The following TNRC6B variants were observed in gnomAD, a reference collection of about 807,000 sequenced individuals.
The protein encoded by TNRC6B is trinucleotide repeat-containing gene 6B protein.
A neutral mutation model predicts 203.6 loss-of-function variants in TNRC6B; 52 were observed. That is an observed-to-expected ratio of 0.26 (90% CI 0.20 to 0.32). The LOEUF (loss-of-function observed/expected upper bound fraction) is 0.32. Among genes scored for constraint, TNRC6B ranks in the 10% least tolerant of loss-of-function variants. The probability of loss-of-function intolerance (pLI) is 1.00; values close to 1 mark genes in which losing one functional copy is unlikely to be tolerated. For synonymous variants in TNRC6B, 838 were observed against 845.7 expected, an observed-to-expected ratio of 0.99 and a Z score of 0.16; for missense variants, 1,923 against 2,286.2, an observed-to-expected ratio of 0.84 and a Z score of 3.24.
At chr22:40,077,189 C>T (rs1399168122) in intron 1 of TNRC6B, among the ~76,000 whole-genome samples, 1 of 152,016 alleles carries the variant, frequency 6.6e-6, no homozygotes, top group Admixed American at 6.6e-5. Context: ...CCCTACAAAC[C>T]CTGAACTCAG....
chr22:40,317,406 C>T (rs911771103), intron 21 of TNRC6B, among the ~76,000 whole-genome samples: 2 of 152,104 alleles, frequency 1.3e-5, no homozygotes, highest in South Asian at 2.1e-4. Flanking sequence ...GGTGAAACCC[C>T]GTCTTTACTG....
At chr22:40,210,017 C>CAAAA (rs34603156) in intron 1 of TNRC6B, among the ~76,000 whole-genome samples, 2 of 132,818 alleles carry the variant, frequency 1.5e-5, no homozygotes, top group South Asian at 2.4e-4. Context: ...GACTCTGTCT[C>CAAAA]AAAAAAAAAA....
upstream of TNRC6B, among the ~76,000 whole-genome samples, chr22:40,174,687 T>C (rs1162926819): frequency 6.6e-6 from 1 of 152,092 alleles, no homozygotes; most frequent in African/African-American, 2.4e-5. Context: ...TAGCCGAGCG[T>C]GGTGGCAGGC....
At chr22:40,054,185 C>T (rs1360612670) in intron 1 of TNRC6B, among the ~76,000 whole-genome samples, 1 of 152,198 alleles carries the variant, frequency 6.6e-6, no homozygotes, top group East Asian at 1.9e-4. Flanking sequence ...CACCACACTC[C>T]AGTGTGGGTG....
Position 40,265,670 on chromosome 22 carries a change from G to A in TNRC6B, c.1440G>A (p.Thr480=), listed in dbSNP as rs776218575. The part of the protein sequence containing the change: ...NDSWDNNNRS[T]GGSWNFGPQD... The stretch of plus-strand genomic sequence containing the variant: ...CTTGGGACAACAATAACAGGTCTAC[G>A]GGTGGGTCCTGGAACTTTGGCCCCC... Residue 480 remains threonine (T), a synonymous_variant, in exon 5 of 23, where the codon ACG becomes ACA. Coordinates refer to ENST00000454349, the MANE Select transcript of TNRC6B (RefSeq NM_001162501.2). 1.7e-5 allele frequency: 27 copies of A among 1,613,912 alleles called. No homozygotes were observed. The African/African-American group carries it at 1.7e-4, about 10-fold the overall frequency.
Position 40,063,428 on chromosome 22 carries a change from A to C in TNRC6B, c.-121+18430A>C, listed in dbSNP as rs540777750. On this transcript the variant is annotated intron_variant, in intron 1 of 23. Transcript: ENST00000301923. The stretch of plus-strand genomic sequence containing the variant: ...TCCCTTGAATTTCCACATGAATTTT[A>C]GGATCAGCTTCTCCATTTCTACAAG... Among the ~76,000 whole-genome samples, 16 of 152,346 alleles carry C rather than the reference A, an allele frequency of 1.1e-4. 1 individual carries two copies. The South Asian group carries it at 3.3e-3, about 32-fold the overall frequency.
At chr22:40,319,271 T>TAA (rs574303341) in intron 21 of TNRC6B, among the ~76,000 whole-genome samples, 5 of 142,412 alleles carry the variant, frequency 3.5e-5, no homozygotes, top group Non-Finnish European at 7.7e-5. Flanking sequence ...TCTCTGAATT[T>TAA]AAAAAAAAAA....
chr22:40,180,122 A>G (rs2069113439), intron 1 of TNRC6B, among the ~76,000 whole-genome samples: 1 of 152,232 alleles, frequency 6.6e-6, no homozygotes, highest in African/African-American at 2.4e-5. Context: ...TTAAAGGGAA[A>G]AGATAGAGAA....
chr22:40,064,880 G>A (rs989348830), intron 1 of TNRC6B, among the ~76,000 whole-genome samples: 1 of 152,030 alleles, frequency 6.6e-6, no homozygotes, highest in African/African-American at 2.4e-5. Context: ...GCCTTCCAAA[G>A]TGCTGGGATT....
intron 1 of TNRC6B, among the ~76,000 whole-genome samples, chr22:40,191,005 A>C (rs1286580193): frequency 6.6e-6 from 1 of 152,256 alleles, no homozygotes; most frequent in Non-Finnish European, 1.5e-5. Flanking sequence ...GCAAACAGAC[A>C]GACACACAAT....
At chr22:40,271,911 T>C (rs2063700915) in intron 6 of TNRC6B, among the ~76,000 whole-genome samples, 1 of 152,228 alleles carries the variant, frequency 6.6e-6, no homozygotes, top group Non-Finnish European at 1.5e-5. Flanking sequence ...CTGTCTTAAA[T>C]TTGATGTTAT....
At chr22:40,123,001 G>A (rs1319643126) in intron 2 of TNRC6B, among the ~76,000 whole-genome samples, 2 of 152,086 alleles carry the variant, frequency 1.3e-5, no homozygotes, top group Non-Finnish European at 2.9e-5. Context: ...TGCCCCTTCC[G>A]CTTCAGGTCT....
intron 3 of TNRC6B, among the ~76,000 whole-genome samples, chr22:40,145,084 AAAAT>A (rs1352483790): frequency 2.6e-5 from 4 of 151,700 alleles, no homozygotes; most frequent in African/African-American, 9.7e-5. Flanking sequence ...AAAAAAAAAA[AAAAT>A]TTTTTTAATT....
chr22:40,159,049 G>A (rs992682385), intron 4 of TNRC6B, among the ~76,000 whole-genome samples: 3 of 151,678 alleles, frequency 2.0e-5, no homozygotes, highest in Non-Finnish European at 4.4e-5. Context: ...TGCAAGCTCC[G>A]CCTCCCGGGT....
At chr22:40,247,118 TC>T (rs2070118034) in intron 2 of TNRC6B, among the ~76,000 whole-genome samples, 1 of 152,104 alleles carries the variant, frequency 6.6e-6, no homozygotes, top group African/African-American at 2.4e-5. Flanking sequence ...ACCTTACCAT[TC>T]TTTTTGCATC....
At chr22:40,078,935 G>A (rs934542188) in intron 1 of TNRC6B, among the ~76,000 whole-genome samples, 4 of 151,902 alleles carry the variant, frequency 2.6e-5, no homozygotes, top group African/African-American at 9.7e-5. Flanking sequence ...TTAGCTGGGC[G>A]TGGTGGTGGG....
At chr22:40,162,230 A>G (rs1162429548) in intron 4 of TNRC6B, among the ~76,000 whole-genome samples, 1 of 152,038 alleles carries the variant, frequency 6.6e-6, no homozygotes, top group Non-Finnish European at 1.5e-5. Context: ...AGTAGCTGGG[A>G]TTATAGGTAC....
chr22:40,215,257 G>A (rs2069620051), intron 1 of TNRC6B, among the ~76,000 whole-genome samples: 1 of 148,030 alleles, frequency 6.8e-6, no homozygotes, highest in Non-Finnish European at 1.5e-5. Flanking sequence ...GAAAAGCACA[G>A]TAGCTGGTGA....
rs117670415 is a variant in TNRC6B at position 40,135,986 on chromosome 22, T to C, written c.45+10124T>C. Among the ~76,000 whole-genome samples, 881 of 152,234 alleles carry C rather than the reference T, an allele frequency of 5.8e-3. 6 individuals are homozygous for C. Among genetic ancestry groups the C allele is most frequent in the Non-Finnish European group, 7.0e-3 (476 of 68,010 alleles). On this transcript the variant is annotated intron_variant, in intron 3 of 23. Coordinates refer to the TNRC6B transcript ENST00000301923. The stretch of plus-strand genomic sequence containing the variant: ...ACTTCAGCCTGTGGACTGATTTCCA[T>C]TGGGTCCTGAGTTCTCAGGAGTTAG...
Sources: gnomAD v4.1 joint callset for allele counts (sites outside exome capture counted in the v4.1 genomes callset) on GRCh38, gnomAD v4.1.1 for gene constraint, MANE v1.5 for transcripts, NCBI Gene and HGNC (gene_info 2026-07-23, HGNC 2026-07-21) for gene names.